SPRED1: variants seen among roughly 807,000 people sequenced by gnomAD.
SPRED1 encodes sprouty related EVH1 domain containing 1, also known as sprouty-related, EVH1 domain-containing protein 1.
In SPRED1, 18 loss-of-function variants were observed where a neutral mutation model predicts 52.3. That is an observed-to-expected ratio of 0.34 (90% CI 0.24 to 0.51). The LOEUF is 0.51. SPRED1 is among the 20% of genes least tolerant of loss of function. The pLI, the probability that SPRED1 is intolerant of heterozygous loss-of-function variation, is 0.97. For synonymous variants in SPRED1, 155 were observed against 179.7 expected (o/e 0.86, Z 1.10); for missense variants, 485 against 551.0 (o/e 0.88, Z 1.20).
At chr15:38,299,212 T>C in intron 1 of SPRED1, 161 bp from the exon 2 acceptor site, 1 of 823,504 alleles carries the variant, frequency 1.2e-6, no homozygotes, top group Non-Finnish European at 2.1e-6. Flanking sequence ...GTTTTTGACC[T>C]CTTTCAAGTA....
chr15:38,319,101 A>G (rs935287589), intron 2 of SPRED1, among the ~76,000 whole-genome samples: 70 of 146,730 alleles, frequency 4.8e-4, no homozygotes, highest in African/African-American at 7.5e-5. Flanking sequence ...TGTTATTATT[A>G]TATATTAAAA....
At chr15:38,262,399 T>C (rs1894224962) in intron 1 of SPRED1, among the ~76,000 whole-genome samples, 1 of 152,178 alleles carries the variant, frequency 6.6e-6, no homozygotes, top group South Asian at 2.1e-4. Context: ...GGTGGCAGGA[T>C]GGTGACTGTG....
intron 1 of SPRED1, among the ~76,000 whole-genome samples, chr15:38,275,588 C>T (rs1203064947): frequency 6.6e-6 from 1 of 152,126 alleles, no homozygotes; most frequent in Non-Finnish European, 1.5e-5. Flanking sequence ...ACCTTTGCCT[C>T]CCAGGTTCAA....
intron 2 of SPRED1, 79 bp from the exon 3 acceptor site, chr15:38,322,162 C>A: frequency 7.4e-7 from 1 of 1,345,764 alleles, no homozygotes; most frequent in Non-Finnish European, 1.1e-6. Flanking sequence ...AGCGTTGTAT[C>A]ACCTCAGTTT....
intron 2 of SPRED1, among the ~76,000 whole-genome samples, chr15:38,306,093 C>T (rs1160009306): frequency 6.6e-6 from 1 of 152,056 alleles, no homozygotes; most frequent in Non-Finnish European, 1.5e-5. Context: ...TAGGATTCCC[C>T]ACTGATTTCC....
At chr15:38,337,002 C>A (rs555367253) in intron 4 of SPRED1, among the ~76,000 whole-genome samples, 1 of 152,086 alleles carries the variant, frequency 6.6e-6, no homozygotes, top group South Asian at 2.1e-4. Flanking sequence ...AAGCTTTTTC[C>A]ATTTTAGTAC....
chr15:38,342,797 C>T (rs914932712), intron 5 of SPRED1, among the ~76,000 whole-genome samples: 1 of 152,080 alleles, frequency 6.6e-6, no homozygotes, highest in African/African-American at 2.4e-5. Context: ...CTTCTGGAAT[C>T]TGTGACTTGA....
chr15:38,273,525 A>T (rs1197811882), intron 1 of SPRED1, among the ~76,000 whole-genome samples: 1 of 234 alleles, frequency 4.3e-3, no homozygotes, highest in Admixed American at 0.038. Flanking sequence ...TTATTAATAT[A>T]TATATATATA....
intron 1 of SPRED1, among the ~76,000 whole-genome samples, chr15:38,278,696 GT>G (rs899015635): frequency 7.2e-5 from 11 of 151,944 alleles, no homozygotes; most frequent in African/African-American, 2.7e-4. Context: ...TCATCTCTGG[GT>G]TTTTTATGAT....
intron 1 of SPRED1, among the ~76,000 whole-genome samples, chr15:38,253,526 C>T (rs971709968): frequency 6.6e-6 from 1 of 152,004 alleles, no homozygotes; most frequent in Admixed American, 6.5e-5. Flanking sequence ...CCTGTGAGAC[C>T]CCTGTCCCGT....
intron 1 of SPRED1, among the ~76,000 whole-genome samples, chr15:38,296,507 G>A (rs1046941619): frequency 6.6e-5 from 10 of 151,840 alleles, no homozygotes; most frequent in African/African-American, 1.2e-4. Flanking sequence ...ATTTGTCTTC[G>A]TGTGTTTGGT....
chr15:38,308,403 G>A (rs912346956), intron 2 of SPRED1, among the ~76,000 whole-genome samples: 1 of 152,110 alleles, frequency 6.6e-6, no homozygotes, highest in Non-Finnish European at 1.5e-5. Flanking sequence ...ATTTAAGTCT[G>A]TACAGTTTTA....
At chr15:38,258,161 AC>A (rs1442912249) in intron 1 of SPRED1, among the ~76,000 whole-genome samples, 1 of 152,222 alleles carries the variant, frequency 6.6e-6, no homozygotes, top group African/African-American at 2.4e-5. Context: ...ATTTTGGTCT[AC>A]ATGGAAACCT....
intron 1 of SPRED1, among the ~76,000 whole-genome samples, chr15:38,291,477 C>T (rs565845966): frequency 6.6e-6 from 1 of 152,348 alleles, no homozygotes; most frequent in African/African-American, 2.4e-5. Flanking sequence ...GGCTCTGACC[C>T]CACATTTCCC....
chr15:38,306,630 T>C (rs1229103824), intron 2 of SPRED1, among the ~76,000 whole-genome samples: 1 of 152,212 alleles, frequency 6.6e-6, no homozygotes, highest in East Asian at 1.9e-4. Flanking sequence ...TATTTAATAT[T>C]GCTAGCATAC....
chr15:38,300,597 CA>C (rs1895131974), intron 2 of SPRED1, among the ~76,000 whole-genome samples: 1 of 151,964 alleles, frequency 6.6e-6, no homozygotes, highest in Admixed American at 6.6e-5. Context: ...ATTTCTTCCC[CA>C]CTTAAAGGGA....
At chr15:38,324,232 C>G (rs1238573542) in intron 3 of SPRED1, among the ~76,000 whole-genome samples, 2 of 152,130 alleles carry the variant, frequency 1.3e-5, no homozygotes, top group African/African-American at 4.8e-5. Context: ...ACTAAAGGTA[C>G]TCTTAACAGC....
At chr15:38,342,406 AAAT>A (rs1896049149) in intron 5 of SPRED1, among the ~76,000 whole-genome samples, 1 of 152,022 alleles carries the variant, frequency 6.6e-6, no homozygotes, top group Admixed American at 6.5e-5. Context: ...AAACTTTATA[AAAT>A]TTAAAACCTT....
intron 4 of SPRED1, among the ~76,000 whole-genome samples, chr15:38,335,274 T>G (rs1356590733): frequency 6.6e-6 from 1 of 152,056 alleles, no homozygotes; most frequent in Middle Eastern, 3.2e-3. Context: ...AAAGCTTTGG[T>G]AATTGGAAAC....
Sources: allele counts gnomAD v4.1 joint callset (sites outside exome capture counted in the v4.1 genomes callset), GRCh38; gene constraint gnomAD v4.1.1; transcripts MANE v1.5; gene names NCBI Gene and HGNC (gene_info 2026-07-23, HGNC 2026-07-21).